The following CDKN3 variants were observed in gnomAD, a reference collection of about 807,000 sequenced individuals.
CDKN3 encodes the protein cyclin-dependent kinase inhibitor 3.
Under a neutral mutation model 36.1 loss-of-function variants are expected in CDKN3, and 19 were observed. The observed-to-expected ratio is 0.53, with a 90% CI of 0.37 to 0.77. The LOEUF (loss-of-function observed/expected upper bound fraction) is 0.77, where lower values mean the gene tolerates loss of function less well. Among genes scored for constraint, CDKN3 ranks in the 30% least tolerant of loss-of-function variants. CDKN3 has a pLI of 0.00. For missense variants in CDKN3, 188 were observed against 248.6 expected (o/e 0.76, Z 1.64); for synonymous variants, 71 against 85.3 (o/e 0.83, Z 0.92).
intron 5 of CDKN3, among the ~76,000 whole-genome samples, chr14:54,412,384 A>AG (rs2030388850): frequency 3.9e-5 from 3 of 76,160 alleles, no homozygotes; most frequent in Non-Finnish European, 9.3e-5. Flanking sequence ...CCCCATCTAG[A>AG]AAAAAAAAAA....
In CDKN3 at chr14:54,397,227, C is replaced by T. The variant is rs574303865; in HGVS notation, c.9+150C>T. ...CTGCGGGTCGGGGAGGTGACTCGCA[C>T]GGGCCCAGCACGGGCACGAGAGACG... On this transcript the variant is annotated intron_variant, in intron 1 of 7. Coordinates refer to ENST00000335183, the MANE Select transcript of CDKN3 (RefSeq NM_005192.4). The T allele has an allele frequency of 1.2e-4, 114 of 927,854 alleles. No homozygotes were observed. The African/African-American group carries it at 1.9e-3, about 15-fold the overall frequency. The allele number at this position is 927,854 out of a possible 1,614,324, so 57.5% of individuals were successfully genotyped here. A position where few individuals can be genotyped will look rare whatever the true frequency, so the allele number is the denominator to read the frequency against.
chr14:54,401,434 G>T (rs531667831), intron 2 of CDKN3, 90 bp from the exon 3 acceptor site: 57 of 743,718 alleles, frequency 7.7e-5, no homozygotes, highest in Admixed American at 5.3e-4. Flanking sequence ...AACTTTATTT[G>T]GTGGCAAGCA....
chr14:54,418,132 A>G (rs2030611417), intron 7 of CDKN3, 181 bp downstream of exon 7: 1 of 703,350 alleles, frequency 1.4e-6, no homozygotes, highest in Admixed American at 2.1e-5. Flanking sequence ...TTACAAGTAA[A>G]TATAATCCAG....
chr14:54,405,411 C>T (rs1197787568), intron 3 of CDKN3, among the ~76,000 whole-genome samples: 1 of 152,106 alleles, frequency 6.6e-6, no homozygotes, highest in African/African-American at 2.4e-5. Flanking sequence ...TTTTCTGTCT[C>T]GCTGATCTGT....
At chr14:54,413,875 T>C in intron 5 of CDKN3, 1 of 1,313,692 alleles carries the variant, frequency 7.6e-7, no homozygotes, top group South Asian at 1.9e-5. Flanking sequence ...ACCAGGTAGC[T>C]GAAAACAACA....
chr14:54,408,481 A>G (rs1464220274), intron 3 of CDKN3: 3 of 343,864 alleles, frequency 8.7e-6, no homozygotes, highest in Non-Finnish European at 1.6e-5. Flanking sequence ...ATAAAGCTTA[A>G]AGCCTGGAGT....
chr14:54,414,954 C>G (rs2030489391), intron 5 of CDKN3, among the ~76,000 whole-genome samples: 1 of 150,834 alleles, frequency 6.6e-6, no homozygotes, highest in Non-Finnish European at 1.5e-5. Context: ...CCTATTCAGT[C>G]CTCTATTTCA....
Position 54,408,611 on chromosome 14 carries a change from A to G in CDKN3, c.149-134A>G, listed in dbSNP as rs1030568214. The G allele has an allele frequency of 3.1e-6, 3 of 973,086 alleles. No individual in the cohort carries two copies. The East Asian group carries it at 9.6e-5, about 31-fold the overall frequency. 60.3% of individuals were successfully genotyped at this position (973,086 alleles called of 1,614,324 possible). A position where few individuals can be genotyped will look rare whatever the true frequency, so the allele number is the denominator to read the frequency against. ...CTAGAAATATAAGAAATTGAAATTC[A>G]TATTCAAAATATAATTGAAACATAT... On this transcript the variant is annotated intron_variant, in intron 3 of 7. Coordinates refer to ENST00000335183, the MANE Select transcript of CDKN3 (RefSeq NM_005192.4).
At position 54,408,327 on chromosome 14, in the gene CDKN3, T is replaced by C. The variant is rs190424938; in HGVS notation, c.149-418T>C. On this transcript the variant is annotated intron_variant, in intron 3 of 7. Coordinates refer to ENST00000335183, the MANE Select transcript of CDKN3 (RefSeq NM_005192.4). ...ACACATCATTCTCTATACTGGGCAATAAGTAAATTTCACAGACCATCAGCA... is the reference window on the plus strand; with the variant it reads ...ACACATCATTCTCTATACTGGGCAACAAGTAAATTTCACAGACCATCAGCA... Among the ~76,000 whole-genome samples, 3 of 152,308 alleles carry C rather than the reference T, an allele frequency of 2.0e-5. No individual in the cohort carries two copies. In the East Asian group the frequency reaches 5.8e-4, roughly 29 times the overall value.
At position 54,420,093 on chromosome 14, in the gene CDKN3, C is replaced by T; in HGVS notation, c.*15C>T. ...TATCAAGATAAAGGAATTCAAATAGCATATATATGACCATGTCTGAAATGT... is the reference window on the plus strand; with the variant it reads ...TATCAAGATAAAGGAATTCAAATAGTATATATATGACCATGTCTGAAATGT... On this transcript the variant is annotated 3_prime_UTR_variant, in exon 8 of 8. Transcript: ENST00000335183. 1 of 1,397,172 alleles carries T rather than the reference C, an allele frequency of 7.2e-7. No individual in the cohort carries two copies. Among genetic ancestry groups the T allele is most frequent in the Non-Finnish European group, 1.0e-6 (1 of 984,034 alleles). The allele number at this position is 1,397,172 out of a possible 1,614,324, so 86.5% of individuals were successfully genotyped here.
intron 6 of CDKN3, 57 bp downstream of exon 6, chr14:54,415,987 C>A: frequency 8.2e-7 from 1 of 1,214,458 alleles, no homozygotes; most frequent in Non-Finnish European, 1.2e-6. Context: ...CTTCTGTTTC[C>A]AGACCATATG....
intron 5 of CDKN3, 102 bp from the exon 6 acceptor site, chr14:54,415,797 T>A: frequency 1.2e-6 from 1 of 825,900 alleles, no homozygotes; most frequent in East Asian, 2.4e-5. Flanking sequence ...GGCACTGTGC[T>A]AGGCATTAGA....
At chr14:54,416,743 A>C (rs2030566871) in intron 6 of CDKN3, among the ~76,000 whole-genome samples, 1 of 152,144 alleles carries the variant, frequency 6.6e-6, no homozygotes, top group Admixed American at 6.5e-5. Context: ...TGGGCCCAGG[A>C]GGTCAAGGCA....
intron 5 of CDKN3, among the ~76,000 whole-genome samples, chr14:54,413,353 A>T (rs1220039898): frequency 2.1e-5 from 3 of 142,026 alleles, no homozygotes; most frequent in African/African-American, 3.0e-5. Flanking sequence ...CCATTTTGAG[A>T]TCTTTTTTTT....
intron 5 of CDKN3, chr14:54,413,564 T>C: frequency 7.2e-7 from 1 of 1,384,464 alleles, no homozygotes. Flanking sequence ...CAGTCTCCCA[T>C]AAAATAAAGC....
chr14:54,419,643 CCTT>C (rs1297065606), intron 7 of CDKN3, among the ~76,000 whole-genome samples: 7 of 152,244 alleles, frequency 4.6e-5, no homozygotes, highest in Admixed American at 1.3e-4. Context: ...AGTGCTCTGT[CCTT>C]CTTACCAGGG....
intron 3 of CDKN3, among the ~76,000 whole-genome samples, chr14:54,403,358 T>C (rs547244880): frequency 6.6e-6 from 1 of 152,366 alleles, no homozygotes; most frequent in African/African-American, 2.4e-5. Context: ...GTTTGTCTGT[T>C]ATTGGTGTAT....
At chr14:54,405,980 T>C (rs946444473) in intron 3 of CDKN3, among the ~76,000 whole-genome samples, 1 of 152,226 alleles carries the variant, frequency 6.6e-6, no homozygotes, top group African/African-American at 2.4e-5. Flanking sequence ...TCATACCAGT[T>C]GTTCCTTTCC....
At chr14:54,397,217 G>A in intron 1 of CDKN3, 140 bp downstream of exon 1, 1 of 1,026,838 alleles carries the variant, frequency 9.7e-7, no homozygotes, top group Non-Finnish European at 1.3e-6. Context: ...GGTCGGGGAG[G>A]TGACTCGCAC....
Sources: allele counts gnomAD v4.1 joint callset (sites outside exome capture counted in the v4.1 genomes callset), GRCh38; gene constraint gnomAD v4.1.1; transcripts MANE v1.5; gene names NCBI Gene and HGNC (gene_info 2026-07-23, HGNC 2026-07-21).